FCHO1: variants seen among roughly 807,000 people sequenced by gnomAD.
FCHO1 encodes FCH and mu domain containing endocytic adaptor 1.
A neutral mutation model predicts 114.4 loss-of-function variants in FCHO1; 45 were observed. The observed-to-expected ratio is 0.39, with a 90% CI of 0.31 to 0.50. The LOEUF is 0.50. Among genes scored for constraint, FCHO1 ranks in the 20% least tolerant of loss-of-function variants. FCHO1 has a pLI of 0.77. For missense variants in FCHO1, 1,042 were observed against 1,209.6 expected (o/e 0.86, Z 2.06); for synonymous variants, 480 against 488.9 (o/e 0.98, Z 0.24).
chr19:17,781,040 G>T (rs1217783078), intron 20 of FCHO1, among the ~76,000 whole-genome samples, 191 bp from the exon 21 acceptor site: 1 of 152,228 alleles, frequency 6.6e-6, no homozygotes, highest in Non-Finnish European at 1.5e-5. Context: ...CTGGTGTCTG[G>T]GAGGGTTGGG....
chr19:17,779,398 C>G (rs185942574), intron 20 of FCHO1, among the ~76,000 whole-genome samples: 1 of 151,792 alleles, frequency 6.6e-6, no homozygotes, highest in Non-Finnish European at 1.5e-5. Flanking sequence ...CAGGCTCCCT[C>G]TGGCAGCTTC....
Position 17,787,784 on chromosome 19 carries a change from T to C in FCHO1, c.2585T>C (p.Val862Ala). The change falls in exon 28 of 29, where the codon GTG becomes GCG. Residue 862 changes from valine to alanine, a missense_variant. This residue lies in a region of FCHO1 where 137 missense variants were observed against 190.0 expected (regional missense o/e 0.72). Transcript: ENST00000596536. ...AGCGAGGGGACCACTCTGTCGGGCGTGGACTTGGAACTGGTGGGCAGCGGT... is the reference window on the plus strand; with the variant it reads ...AGCGAGGGGACCACTCTGTCGGGCGCGGACTTGGAACTGGTGGGCAGCGGT... ...FTSEGTTLSG[V>A]DLELVGSGYR... is the part of the protein sequence containing the mutation. The C allele has an allele frequency of 6.2e-7, 1 of 1,612,740 alleles. No individual in the cohort carries two copies. The highest frequency in any genetic ancestry group is 8.5e-7 in the Non-Finnish European group (1 of 1,179,712).
In FCHO1 at chr19:17,772,695, A is replaced by T; in HGVS notation, c.744A>T (p.Leu248=). The T allele has an allele frequency of 6.2e-7, 1 of 1,614,122 alleles. No individual in the cohort carries two copies. The highest frequency in any genetic ancestry group is 8.5e-7 in the Non-Finnish European group (1 of 1,180,014). Reference sequence around the variant, plus strand: ...TCGAGAACGTCAGCGTGGAGATGCTACTCAGGAAGTTTGCAGAGAGTAAGG... The same window carrying T: ...TCGAGAACGTCAGCGTGGAGATGCTTCTCAGGAAGTTTGCAGAGAGTAAGG... ...QNIENVSVEM[L]LRKFAESKGT... The change falls in exon 11 of 29, where the codon CTA becomes CTT. Residue 248 remains leucine (L), a synonymous_variant. Transcript: ENST00000596536.
intron 1 of FCHO1, chr19:17,752,238 AT>A (rs2082143764): frequency 6.7e-6 from 1 of 150,290 alleles, no homozygotes; most frequent in Non-Finnish European, 1.5e-5. Context: ...GTATGTATGT[AT>A]GTATGTATGT....
At chr19:17,757,857 A>G (rs975884018) in intron 4 of FCHO1, among the ~76,000 whole-genome samples, 6 of 145,204 alleles carry the variant, frequency 4.1e-5, no homozygotes, top group Non-Finnish European at 6.0e-5. Context: ...CAGAGGTTTC[A>G]GTGAGCCAAG....
rs534050252 is a variant in FCHO1, at chr19:17,778,482, G to C, written c.1352-127G>C. The C allele has an allele frequency of 2.4e-4, 252 of 1,058,720 alleles. 3 individuals carry two copies. In the South Asian group the frequency reaches 3.5e-3, roughly 15 times the overall value. The allele number at this position is 1,058,720 out of a possible 1,614,324, so 65.6% of individuals were successfully genotyped here. ...GTCACCAGAAGGTGTAGCCTTGGGG[G>C]CGTGCACAAGGACTTTGAATGGGGG... On this transcript the variant is annotated intron_variant, in intron 19 of 28. Transcript: ENST00000596536.
Position 17,786,612 on chromosome 19 carries a change from A to T in FCHO1, c.2465A>T (p.Asp822Val). The T allele has an allele frequency of 7.5e-7, 1 of 1,335,702 alleles. No homozygotes were observed. The highest frequency in any genetic ancestry group is 9.9e-7 in the Non-Finnish European group (1 of 1,014,404). The allele number at this position is 1,335,702 out of a possible 1,614,324, so 82.7% of individuals were successfully genotyped here. A position where few individuals can be genotyped will look rare whatever the true frequency, so the allele number is the denominator to read the frequency against. ...EEKRLTWRLP[D>V]VSEAGGSGRL... ...AAGCGGCTCACTTGGAGGCTTCCAGATGTGTCCGAGGCAGGCGGTGAGCTG... is the reference window on the plus strand; with the variant it reads ...AAGCGGCTCACTTGGAGGCTTCCAGTTGTGTCCGAGGCAGGCGGTGAGCTG... Residue 822 changes from aspartate (D) to valine (V), a missense_variant, in exon 27 of 29, where the codon GAT becomes GTT. Asp to Val is a radical substitution (Grantham distance 152, BLOSUM62 -3). Around this residue, in one of 3 missense-constraint regions of FCHO1, gnomAD observed 137 missense variants for 190.0 expected, o/e 0.72. Coordinates refer to ENST00000596536, the MANE Select transcript of FCHO1 (RefSeq NM_015122.3).
chr19:17,755,031 C>A, intron 3 of FCHO1, 87 bp from the exon 4 acceptor site: 1 of 837,776 alleles, frequency 1.2e-6, no homozygotes, highest in Non-Finnish European at 2.1e-6. Flanking sequence ...TTCATCCTTT[C>A]TCTCCTTCCT....
chr19:17,766,079 G>A (rs911828925), intron 6 of FCHO1, among the ~76,000 whole-genome samples: 9 of 151,198 alleles, frequency 6.0e-5, no homozygotes, highest in African/African-American at 1.7e-4. Flanking sequence ...TAGTAGAGAC[G>A]GGGTTTCACC....
intron 7 of FCHO1, among the ~76,000 whole-genome samples, chr19:17,767,777 G>A (rs951916431): frequency 2.6e-5 from 4 of 152,172 alleles, no homozygotes; most frequent in African/African-American, 9.7e-5. Flanking sequence ...GCACTGCAGC[G>A]ACAGATTCAA....
chr19:17,772,608 G>A (rs2091880934), intron 10 of FCHO1, 37 bp from the exon 11 acceptor site: 1 of 1,612,552 alleles, frequency 6.2e-7, no homozygotes. Flanking sequence ...GGGCAAAGGG[G>A]CCTTGACCAG....
chr19:17,755,083 A>G (rs892876468), intron 3 of FCHO1, 35 bp from the exon 4 acceptor site: 16 of 1,378,852 alleles, frequency 1.2e-5, no homozygotes, highest in South Asian at 3.5e-5. Context: ...CACACTGGCA[A>G]TGACTCTGTA....
At chr19:17,768,331 A>G (rs1382828713) in intron 7 of FCHO1, among the ~76,000 whole-genome samples, 2 of 151,848 alleles carry the variant, frequency 1.3e-5, no homozygotes, top group African/African-American at 4.8e-5. Flanking sequence ...CAGCCTTCCA[A>G]AGTGTTGGGA....
At chr19:17,783,228 C>A in intron 24 of FCHO1, 56 bp downstream of exon 24, 1 of 1,545,994 alleles carries the variant, frequency 6.5e-7, no homozygotes, top group Non-Finnish European at 8.8e-7. Context: ...ATCAGGCTTC[C>A]GGACTCTGAG....
In FCHO1 at chr19:17,778,611, T is replaced by C. The variant is rs748187975; in HGVS notation, c.1354T>C (p.Ser452Pro). The change falls in exon 20 of 29, where the codon TCT becomes CCT. Residue 452 changes from serine to proline, a missense_variant and splice_region_variant. This residue lies in a region of FCHO1 where 455 missense variants were observed against 455.4 expected (regional missense o/e 1.00). Transcript: ENST00000596536. Reference protein sequence around the residue: ...SAFDHEDFTGSSSLGFTSSPS... With the variant: ...SAFDHEDFTGPSSLGFTSSPS... ...GACCGCCCGCTTCCCTCCCCAAGGCTCTAGCAGCCTGGGCTTCACCTCCAG... is the reference window on the plus strand; with the variant it reads ...GACCGCCCGCTTCCCTCCCCAAGGCCCTAGCAGCCTGGGCTTCACCTCCAG... The C allele has an allele frequency of 1.9e-6, 3 of 1,555,726 alleles. No individual in the cohort carries two copies. The highest frequency in any genetic ancestry group is 2.6e-6 in the Non-Finnish European group (3 of 1,150,854).
intron 4 of FCHO1, among the ~76,000 whole-genome samples, chr19:17,758,470 TAGG>T (rs1293699967): frequency 6.6e-6 from 1 of 152,084 alleles, no homozygotes; most frequent in Non-Finnish European, 1.5e-5. Context: ...AGGAAGAAGC[TAGG>T]AGATGAGGCT....
At chr19:17,785,046 G>A in intron 26 of FCHO1, 122 bp downstream of exon 26, 1 of 922,306 alleles carries the variant, frequency 1.1e-6, no homozygotes. Context: ...AGCCCACCCT[G>A]CTTAGCACTA....
upstream of FCHO1, among the ~76,000 whole-genome samples, chr19:17,749,394 A>G (rs1161532185): frequency 2.0e-5 from 3 of 152,132 alleles, no homozygotes; most frequent in Admixed American, 6.5e-5. Context: ...GTAAATACAG[A>G]CATGATTATT....
intron 27 of FCHO1, 99 bp downstream of exon 27, chr19:17,786,728 G>C (rs140878302): frequency 5.2e-5 from 64 of 1,241,270 alleles, no homozygotes; most frequent in Non-Finnish European, 7.2e-5. Context: ...TACTGAGGGC[G>C]GGCAAGTATG....
Sources: gnomAD v4.1 joint callset for allele counts (sites outside exome capture counted in the v4.1 genomes callset) on GRCh38, gnomAD v4.1.1 for gene constraint, gnomAD v4.1.1 regional missense constraint, MANE v1.5 for transcripts, NCBI Gene and HGNC (gene_info 2026-07-23, HGNC 2026-07-21) for gene names.